Variants in RSBN1L observed in about 807,000 individuals in gnomAD.
RSBN1L encodes the protein lysine-specific demethylase RSBN1L.
Under a neutral mutation model 67.7 loss-of-function variants are expected in RSBN1L, and 30 were observed. The observed-to-expected ratio is 0.44, with a 90% CI of 0.33 to 0.60. RSBN1L has a LOEUF of 0.60. Ranked by LOEUF, RSBN1L falls within the 20% of genes least tolerant of loss-of-function variation. RSBN1L has a pLI of 0.02. For synonymous variants in RSBN1L, 433 were observed against 387.0 expected (o/e 1.12, Z -1.39); for missense variants, 992 against 1,031.7 (o/e 0.96, Z 0.53).
intron 3 of RSBN1L, among the ~76,000 whole-genome samples, chr7:77,753,860 T>C (rs2150427349): frequency 6.6e-6 from 1 of 152,302 alleles, no homozygotes; most frequent in East Asian, 1.9e-4. Context: ...AGGGTTTATG[T>C]TTTTCCATAT....
intron 2 of RSBN1L, among the ~76,000 whole-genome samples, chr7:77,747,121 C>CA (rs539349202): frequency 1.1e-3 from 167 of 152,286 alleles, no homozygotes; most frequent in African/African-American, 3.8e-3. Context: ...GGTGGAGACT[C>CA]AGTGTGGGGG....
chr7:77,710,102 T>G (rs1790953305), intron 1 of RSBN1L, among the ~76,000 whole-genome samples: 1 of 152,196 alleles, frequency 6.6e-6, no homozygotes, highest in South Asian at 2.1e-4. Flanking sequence ...TCTACTAGTT[T>G]TAGTTCAAAT....
At chr7:77,770,572 A>G (rs1464226784) in intron 5 of RSBN1L, among the ~76,000 whole-genome samples, 1 of 151,164 alleles carries the variant, frequency 6.6e-6, no homozygotes, top group Non-Finnish European at 1.5e-5. Context: ...AGCCCTAGCT[A>G]CTCGGAAGGC....
intron 3 of RSBN1L, among the ~76,000 whole-genome samples, chr7:77,752,652 A>C (rs1260866504): frequency 6.6e-6 from 1 of 152,172 alleles, no homozygotes; most frequent in Non-Finnish European, 1.5e-5. Context: ...TAAACTTTTT[A>C]TTGAAGTGTA....
At chr7:77,719,015 A>T (rs1791082343) in intron 1 of RSBN1L, among the ~76,000 whole-genome samples, 1 of 152,106 alleles carries the variant, frequency 6.6e-6, no homozygotes, top group Non-Finnish European at 1.5e-5. Flanking sequence ...ATGGTCTGTT[A>T]ATTAGGAAGT....
intron 1 of RSBN1L, among the ~76,000 whole-genome samples, chr7:77,716,685 G>GCAGT (rs1791053769): frequency 7.4e-6 from 1 of 135,890 alleles, no homozygotes; most frequent in African/African-American, 2.8e-5. Context: ...AGGCTGGAGT[G>GCAGT]CAGTGGCTCA....
chr7:77,774,489 G>A (rs570042376), intron 6 of RSBN1L, among the ~76,000 whole-genome samples: 1 of 152,304 alleles, frequency 6.6e-6, no homozygotes, highest in East Asian at 1.9e-4. Context: ...AGCACTTTCG[G>A]AGGCTGAGGT....
chr7:77,749,396 G>C, intron 2 of RSBN1L, 28 bp from the exon 3 acceptor site: 2 of 1,467,080 alleles, frequency 1.4e-6, no homozygotes, highest in Non-Finnish European at 1.8e-6. Flanking sequence ...TTAAAATATG[G>C]AGTTTCAAAA....
intron 1 of RSBN1L, among the ~76,000 whole-genome samples, chr7:77,699,860 G>A (rs1026031642): frequency 5.3e-5 from 8 of 151,280 alleles, no homozygotes; most frequent in Admixed American, 1.3e-4. Flanking sequence ...GCAGTGGCGC[G>A]ATCTCGGCTC....
chr7:77,696,501 T>A lies in RSBN1L; in HGVS notation c.32T>A (p.Val11Asp). MAEPPSPVHC[V>D]AAAAPTATVS... ...GAACCGCCGAGCCCCGTGCACTGTGTCGCTGCCGCGGCCCCCACCGCCACC... is the reference window on the plus strand; with the variant it reads ...GAACCGCCGAGCCCCGTGCACTGTGACGCTGCCGCGGCCCCCACCGCCACC... Residue 11 changes from valine (V) to aspartate (D), a missense_variant, in exon 1 of 8, where the codon GTC (valine) becomes GAC (aspartate). Val to Asp is a radical substitution (Grantham distance 152). Around this residue, in one of 7 missense-constraint regions of RSBN1L, gnomAD observed 575 missense variants for 483.2 expected, o/e 1.19. Coordinates refer to ENST00000334955, the MANE Select transcript of RSBN1L (RefSeq NM_198467.3). 1 of 1,613,342 alleles carries A rather than the reference T, an allele frequency of 6.2e-7. No homozygotes were observed. Among genetic ancestry groups the A allele is most frequent in the Non-Finnish European group, 8.5e-7 (1 of 1,179,734 alleles).
intron 1 of RSBN1L, among the ~76,000 whole-genome samples, chr7:77,701,972 T>C (rs1318047404): frequency 6.8e-6 from 1 of 147,226 alleles, no homozygotes; most frequent in African/African-American, 2.5e-5. Flanking sequence ...TTTTAAAGTT[T>C]TAGCTTTTGT....
chr7:77,747,918 G>GGC (rs540416936), intron 2 of RSBN1L, among the ~76,000 whole-genome samples: 3,021 of 151,744 alleles, frequency 0.02, 88 homozygotes, highest in African/African-American at 0.069. Context: ...TCTCGGGGGG[G>GGC]AGCTCAGGAA....
chr7:77,740,339 AT>A (rs1791392150), intron 2 of RSBN1L, among the ~76,000 whole-genome samples: 1 of 152,258 alleles, frequency 6.6e-6, no homozygotes, highest in Non-Finnish European at 1.5e-5. Flanking sequence ...TGATTATAGT[AT>A]TTTTTAGAGT....
intron 5 of RSBN1L, 142 bp downstream of exon 5, chr7:77,768,945 A>G: frequency 1.5e-6 from 1 of 666,078 alleles, no homozygotes; most frequent in Non-Finnish European, 2.5e-6. Context: ...ATACATGCTA[A>G]TACAATTTGT....
At chr7:77,724,586 C>G (rs943848254) in intron 1 of RSBN1L, among the ~76,000 whole-genome samples, 2 of 150,588 alleles carry the variant, frequency 1.3e-5, no homozygotes, top group Admixed American at 6.6e-5. Flanking sequence ...TCACCATGCC[C>G]AGCTAATTTT....
chr7:77,701,171 CAACA>C (rs1790813213), intron 1 of RSBN1L, among the ~76,000 whole-genome samples: 1 of 125,852 alleles, frequency 7.9e-6, no homozygotes, highest in African/African-American at 3.2e-5. Context: ...AAAAAAAAAA[CAACA>C]ACAACAACAA....
chr7:77,733,627 A>G (rs1791297466), intron 1 of RSBN1L, among the ~76,000 whole-genome samples: 2 of 152,014 alleles, frequency 1.3e-5, no homozygotes, highest in South Asian at 4.1e-4. Flanking sequence ...TTAATTAAAT[A>G]AATAATTTTA....
intron 1 of RSBN1L, among the ~76,000 whole-genome samples, chr7:77,698,780 A>G (rs796067464): frequency 3.9e-4 from 59 of 152,258 alleles, no homozygotes; most frequent in African/African-American, 1.4e-3. Flanking sequence ...GAGTAGTGAC[A>G]AGATATTAAC....
chr7:77,701,173 A>C (rs1041929833), intron 1 of RSBN1L, among the ~76,000 whole-genome samples: 1 of 132,316 alleles, frequency 7.6e-6, no homozygotes, highest in African/African-American at 3.0e-5. Flanking sequence ...AAAAAAAACA[A>C]CAACAACAAC....
Sources: allele counts gnomAD v4.1 joint callset (sites outside exome capture counted in the v4.1 genomes callset), GRCh38; gene constraint gnomAD v4.1.1; regional missense constraint gnomAD v4.1.1; transcripts MANE v1.5; gene names NCBI Gene and HGNC (gene_info 2026-07-23, HGNC 2026-07-21).